MME: variants seen among roughly 807,000 people sequenced by gnomAD.
MME encodes the protein membrane metalloendopeptidase.
In MME, 98 loss-of-function variants were observed where a neutral mutation model predicts 113.2. The observed-to-expected ratio is 0.87, with a 90% CI of 0.74 to 1.02. MME has a LOEUF of 1.02. Among genes scored for constraint, MME ranks in the 50% least tolerant of loss-of-function variants. MME has a pLI of 0.00. For missense variants in MME, 836 were observed against 896.0 expected (o/e 0.93, Z 0.86); for synonymous variants, 292 against 300.6 (o/e 0.97, Z 0.30).
chr3:155,180,315 G>GT (rs1559970728), intron 22 of MME, 45 bp from the exon 23 acceptor site: 1 of 1,360,594 alleles, frequency 7.3e-7, no homozygotes, highest in South Asian at 1.2e-5. Flanking sequence ...TGGTATGGAC[G>GT]TGAGTATCAA....
At chr3:155,149,916 G>A (rs1721801065) in intron 16 of MME, among the ~76,000 whole-genome samples, 1 of 152,124 alleles carries the variant, frequency 6.6e-6, no homozygotes, top group South Asian at 2.1e-4. Context: ...AAATATTATA[G>A]AATGTTTAGT....
intron 1 of MME, among the ~76,000 whole-genome samples, chr3:155,055,761 G>A (rs1325149163): frequency 6.6e-6 from 1 of 152,134 alleles, no homozygotes; most frequent in African/African-American, 2.4e-5. Flanking sequence ...GCCGTGTTCT[G>A]TTACCTGAAG....
At chr3:155,093,763 C>T (rs531570221) in intron 3 of MME, among the ~76,000 whole-genome samples, 1 of 149,218 alleles carries the variant, frequency 6.7e-6, no homozygotes, top group Non-Finnish European at 1.5e-5. Context: ...GGCTGAGGCA[C>T]AAGAATTGCT....
At chr3:155,157,109 A>C (rs1722374481) in intron 16 of MME, among the ~76,000 whole-genome samples, 2 of 152,098 alleles carry the variant, frequency 1.3e-5, no homozygotes, top group African/African-American at 2.4e-5. Context: ...TTGTTAGCTC[A>C]GCTTTGAGGG....
intron 3 of MME, among the ~76,000 whole-genome samples, chr3:155,110,525 A>C (rs1472792650): frequency 6.6e-6 from 1 of 152,230 alleles, no homozygotes; most frequent in African/African-American, 2.4e-5. Context: ...CCTATAGTCA[A>C]ATAAGTTGGG....
chr3:155,161,181 T>C (rs775094440), intron 17 of MME, among the ~76,000 whole-genome samples: 2 of 152,092 alleles, frequency 1.3e-5, no homozygotes, highest in Non-Finnish European at 2.9e-5. Flanking sequence ...GGCTCACATA[T>C]ATCACTTATC....
intron 1 of MME, among the ~76,000 whole-genome samples, chr3:155,056,909 C>G (rs1424707163): frequency 1.3e-5 from 2 of 152,164 alleles, no homozygotes; most frequent in Non-Finnish European, 2.9e-5. Context: ...AAAGCTGAAA[C>G]TGGATCCCTT....
At chr3:155,160,305 G>T in intron 16 of MME, 85 bp from the exon 17 acceptor site, 1 of 919,870 alleles carries the variant, frequency 1.1e-6, no homozygotes, top group Non-Finnish European at 1.8e-6. Flanking sequence ...ATTCATCTAG[G>T]AATGGTAATA....
intron 9 of MME, among the ~76,000 whole-genome samples, chr3:155,138,657 A>G (rs111971303): frequency 1.3e-3 from 204 of 152,320 alleles, no homozygotes; most frequent in African/African-American, 4.7e-3. Context: ...GCTAAGAAGT[A>G]TTAACCCCTG....
At chr3:155,102,736 G>A (rs139053479) in intron 3 of MME, among the ~76,000 whole-genome samples, 38 of 152,254 alleles carry the variant, frequency 2.5e-4, no homozygotes, top group African/African-American at 8.4e-4. Context: ...CAAGAATGAG[G>A]TCTCTTTCCC....
chr3:155,150,308 CACT>C (rs1721828266), intron 16 of MME, among the ~76,000 whole-genome samples: 2 of 152,112 alleles, frequency 1.3e-5, no homozygotes, highest in Non-Finnish European at 2.9e-5. Context: ...ATATAATTTA[CACT>C]GTTCATTCCC....
At chr3:155,140,523 T>C (rs1291159767) in intron 10 of MME, among the ~76,000 whole-genome samples, 1 of 150,738 alleles carries the variant, frequency 6.6e-6, no homozygotes, top group Non-Finnish European at 1.5e-5. Context: ...CTCAAGCGAT[T>C]CTCCTGCCTC....
rs139653023 is a variant in MME at position 155,133,736 on chromosome 3, T to C, written c.721-4366T>C. On this transcript the variant is annotated intron_variant, in intron 8 of 22. Transcript: ENST00000360490. The stretch of plus-strand genomic sequence containing the variant: ...TATATATGGTGTGTATATATACATA[T>C]ATATGGTGTATATATATATGTGTAT... Among the ~76,000 whole-genome samples, 1,161 of 145,746 alleles carry C rather than the reference T, an allele frequency of 8.0e-3. 16 individuals are homozygous for C. Among genetic ancestry groups the C allele is most frequent in the African/African-American group, 0.028 (1,114 of 39,946 alleles).
chr3:155,148,626 A>C lies in MME; in HGVS notation c.1574A>C (p.Lys525Thr), dbSNP rs1356844489. Residue 525 changes from lysine (K) to threonine (T), a missense_variant, in exon 16 of 23, where the codon AAG becomes ACG. Coordinates refer to ENST00000360490, the MANE Select transcript of MME (RefSeq NM_007289.4). ...LKFSQSKQLKKLREKVDKDEW... is the reference protein window; with the variant it reads ...LKFSQSKQLKTLREKVDKDEW... ...TTCAGCCAAAGTAAACAACTGAAGA[A>C]GCTCCGAGAAAAGGTGGACAAAGAT... 6.2e-7 allele frequency: 1 copy of C among 1,612,672 alleles called. No individual in the cohort carries two copies. Among genetic ancestry groups the C allele is most frequent in the Non-Finnish European group, 8.5e-7 (1 of 1,179,020 alleles).
intron 17 of MME, among the ~76,000 whole-genome samples, chr3:155,164,010 G>A (rs1441817155): frequency 6.6e-6 from 1 of 151,914 alleles, no homozygotes; most frequent in Admixed American, 6.6e-5. Context: ...TGGGCATGGT[G>A]GTGCATGCCT....
chr3:155,138,729 G>A (rs1202581597), intron 9 of MME, among the ~76,000 whole-genome samples: 1 of 152,158 alleles, frequency 6.6e-6, no homozygotes, highest in Non-Finnish European at 1.5e-5. Flanking sequence ...TGAGCTGACG[G>A]AGGGTAAGAC....
At chr3:155,042,918 A>ATATATATATATATATACG (rs1713393683) in intron 1 of MME, among the ~76,000 whole-genome samples, 2 of 53,596 alleles carry the variant, frequency 3.7e-5, no homozygotes, top group East Asian at 1.3e-3. Context: ...ATATATATAT[A>ATATATATATATATATACG]TATATATATA....
chr3:155,030,758 A>G (rs1712944222), intron 1 of MME, among the ~76,000 whole-genome samples: 1 of 152,194 alleles, frequency 6.6e-6, no homozygotes, highest in African/African-American at 2.4e-5. Context: ...AATGGAATAC[A>G]TGTCACATTT....
intron 1 of MME, among the ~76,000 whole-genome samples, chr3:155,060,695 C>T (rs1714102549): frequency 6.6e-6 from 1 of 150,920 alleles, no homozygotes; most frequent in South Asian, 2.1e-4. Context: ...TGTGGCTTAA[C>T]AAACGTGTTT....
Sources: gnomAD v4.1 joint callset for allele counts (sites outside exome capture counted in the v4.1 genomes callset) on GRCh38, gnomAD v4.1.1 for gene constraint, MANE v1.5 for transcripts, NCBI Gene and HGNC (gene_info 2026-07-23, HGNC 2026-07-21) for gene names.